The following SCN1B variants were observed in gnomAD, a reference collection of about 807,000 sequenced individuals.
SCN1B encodes sodium voltage-gated channel beta subunit 1.
SCN1B carries 11 observed loss-of-function variants against 25.7 expected under a neutral mutation model. The ratio of observed to expected loss-of-function variants is 0.43; its 90% CI spans 0.27 to 0.71. The LOEUF (loss-of-function observed/expected upper bound fraction) is 0.71, where lower values mean the gene tolerates loss of function less well. Among genes scored for constraint, SCN1B ranks in the 30% least tolerant of loss-of-function variants. The pLI is 0.21. For missense variants in SCN1B, 224 were observed against 291.5 expected (o/e 0.77, Z 1.69); for synonymous variants, 119 against 117.5 (o/e 1.01, Z -0.08).
chr19:35,039,631 A>G lies in SCN1B; in HGVS notation c.591-4A>G. 1.2e-6 allele frequency: 2 copies of G among 1,614,058 alleles called. No individual in the cohort carries two copies. Among genetic ancestry groups the G allele is most frequent in the Non-Finnish European group, 1.7e-6 (2 of 1,179,998 alleles). On this transcript the variant is annotated splice_region_variant and splice_polypyrimidine_tract_variant and intron_variant, in intron 4 of 5. Coordinates refer to ENST00000262631, the MANE Select transcript of SCN1B (RefSeq NM_001037.5). Reference sequence around the variant, plus strand: ...TCACTGTATACCTGGCCTTTCCCCCACAGCTCGGAATACCTGGCCATCACC... The same window carrying G: ...TCACTGTATACCTGGCCTTTCCCCCGCAGCTCGGAATACCTGGCCATCACC...
At position 35,033,504 on chromosome 19, in the gene SCN1B, G is replaced by T. The variant is rs960314739; in HGVS notation, c.213G>T (p.Leu71=). The stretch of plus-strand genomic sequence containing the variant: ...CCCTCCCTGGCTACCCCTAGATCCT[G>T]CGCTATGAGAATGAGGTGTTGCAGC... ...QKGTEEFVKI[L]RYENEVLQLE... Residue 71 remains leucine, a synonymous_variant, in exon 3 of 6, where the codon CTG becomes CTT. Coordinates refer to ENST00000262631, the MANE Select transcript of SCN1B (RefSeq NM_001037.5). The T allele has an allele frequency of 5.0e-6, 8 of 1,613,794 alleles. No individual in the cohort carries two copies. The highest frequency in any genetic ancestry group is 6.8e-6 in the Non-Finnish European group (8 of 1,179,966).
chr19:35,030,627 G>T lies in SCN1B; in HGVS notation c.-194G>T, dbSNP rs1255578700. 3 of 159,196 alleles carry T rather than the reference G, an allele frequency of 1.9e-5. No homozygotes were observed. The highest frequency in any genetic ancestry group is 4.0e-5 in the Non-Finnish European group (3 of 74,300). 9.9% of individuals were successfully genotyped at this position (159,196 alleles called of 1,614,324 possible). Reference sequence around the variant, plus strand: ...CGGGGATGCCCGGACGCCGGGCCCCGGGGCTGGGCCCCCGGCGGTAACCGG... The same window carrying T: ...CGGGGATGCCCGGACGCCGGGCCCCTGGGCTGGGCCCCCGGCGGTAACCGG... On this transcript the variant is annotated 5_prime_UTR_variant, in exon 1 of 6. Coordinates refer to ENST00000262631, the MANE Select transcript of SCN1B (RefSeq NM_001037.5).
At chr19:35,035,084 A>G (rs1387864630) in intron 3 of SCN1B, 1 of 152,212 alleles carries the variant, frequency 6.6e-6, no homozygotes, top group African/African-American at 2.4e-5. Context: ...TTGCTGTGAC[A>G]AAGATGCCTG....
chr19:35,039,914 G>A lies in SCN1B; in HGVS notation c.*123G>A, dbSNP rs1345599115. 9 of 604,024 alleles carry A rather than the reference G, an allele frequency of 1.5e-5. No homozygotes were observed. The highest frequency in any genetic ancestry group is 7.8e-5 in the South Asian group (4 of 51,118). The allele number at this position is 604,024 out of a possible 1,614,324, so 37.4% of individuals were successfully genotyped here. On this transcript the variant is annotated 3_prime_UTR_variant, in exon 6 of 6. Coordinates refer to ENST00000262631, the MANE Select transcript of SCN1B (RefSeq NM_001037.5). ...CAGAAAGCCTCAGAGTCCTGCCGACGGAGCCACTGGGGTGGGAGGGGGCAG... is the reference window on the plus strand; with the variant it reads ...CAGAAAGCCTCAGAGTCCTGCCGACAGAGCCACTGGGGTGGGAGGGGGCAG...
chr19:35,030,820 C>G lies in SCN1B; in HGVS notation c.-1C>G. 1 of 1,082,624 alleles carries G rather than the reference C, an allele frequency of 9.2e-7. No individual in the cohort carries two copies. Among genetic ancestry groups the G allele is most frequent in the South Asian group, 2.2e-5 (1 of 45,354 alleles). The allele number at this position is 1,082,624 out of a possible 1,614,324, so 67.1% of individuals were successfully genotyped here. On this transcript the variant is annotated 5_prime_UTR_variant, in exon 1 of 6. Transcript: ENST00000262631. Reference sequence around the variant, plus strand: ...GGGGGCGCAGCACGCGCCGCGCAGCCATGGGGAGGCTGCTGGCCTTAGTGG... The same window carrying G: ...GGGGGCGCAGCACGCGCCGCGCAGCGATGGGGAGGCTGCTGGCCTTAGTGG...
rs2064274538 is a variant in SCN1B at position 35,039,795 on chromosome 19, A to T, written c.*6-2A>T. ...AATTCCCCCTCTCTTGCTCCCCTTC[A>T]GGCCCTGGGCCCCGCCTCAAGGAAG... On this transcript the variant is annotated splice_acceptor_variant, in intron 5 of 5. Coordinates refer to ENST00000262631, the MANE Select transcript of SCN1B (RefSeq NM_001037.5). LOFTEE classifies it low-confidence loss of function (3UTR_SPLICE). 2 of 1,331,884 alleles carry T rather than the reference A, an allele frequency of 1.5e-6. No individual in the cohort carries two copies. Among genetic ancestry groups the T allele is most frequent in the Non-Finnish European group, 2.1e-6 (2 of 945,028 alleles). The allele number at this position is 1,331,884 out of a possible 1,614,324, so 82.5% of individuals were successfully genotyped here. A position where few individuals can be genotyped will look rare whatever the true frequency, so the allele number is the denominator to read the frequency against.
Position 35,039,711 on chromosome 19 carries a change from G to C in SCN1B, c.*5+5G>C, listed in dbSNP as rs1462189030. 1.2e-6 allele frequency: 2 copies of C among 1,614,074 alleles called. No homozygotes were observed. Among genetic ancestry groups the C allele is most frequent in the Middle Eastern group, 3.3e-4 (2 of 6,056 alleles). On this transcript the variant is annotated splice_donor_5th_base_variant and intron_variant, in intron 5 of 5. Transcript: ENST00000262631. ...CCAGGTGGCCGAATAGCCCTGGTAA[G>C]GCGGATGGGCTGGCAGAGGGGAAGG...
chr19:35,039,258 C>G lies in SCN1B; in HGVS notation c.590C>G (p.Ala197Gly). 1 of 1,612,736 alleles carries G rather than the reference C, an allele frequency of 6.2e-7. No individual in the cohort carries two copies. The highest frequency in any genetic ancestry group is 1.3e-5 in the African/African-American group (1 of 75,038). ...ACGGAGACTGCTGCACAGGAGAATGCGTGAGTAGGGTGGCTGGGAGGTGGG... is the reference window on the plus strand; with the variant it reads ...ACGGAGACTGCTGCACAGGAGAATGGGTGAGTAGGGTGGCTGGGAGGTGGG... The part of the protein sequence containing the change: ...AATETAAQEN[A>G]SEYLAITSES... Residue 197 changes from alanine (A) to glycine (G), a missense_variant and splice_region_variant, in exon 4 of 6, where the codon GCC becomes GGC. Physicochemically the swap from Ala to Gly is moderately conservative, Grantham distance 60. Around this residue, in one of 3 missense-constraint regions of SCN1B, gnomAD observed 52 missense variants for 50.8 expected, o/e 1.02. Coordinates refer to ENST00000262631, the MANE Select transcript of SCN1B (RefSeq NM_001037.5).
At chr19:35,030,912 G>T in intron 1 of SCN1B, 52 bp downstream of exon 1, 1 of 314,040 alleles carries the variant, frequency 3.2e-6, no homozygotes, top group Non-Finnish European at 5.1e-6. Context: ...GGGCACTGGC[G>T]GGGCGGCGGG....
chr19:35,032,730 G>A lies in SCN1B; in HGVS notation c.207+36G>A. ...GCCGGGAACGGGCATGGGAGGGCAG[G>A]GGTCCACGAGTGGGAGGCGGTGGGG... is the stretch of plus-strand genomic sequence containing the variant. On this transcript the variant is annotated intron_variant, in intron 2 of 5. Transcript: ENST00000262631. This position sits in a 1 kb window ranked among gnomAD's most constrained non-coding sequence, Gnocchi z 4.3. 1 of 1,609,540 alleles carries A rather than the reference G, an allele frequency of 6.2e-7. No individual in the cohort carries two copies. Among genetic ancestry groups the A allele is most frequent in the Non-Finnish European group, 8.5e-7 (1 of 1,178,106 alleles).
chr19:35,039,484 A>C (rs2064271077), intron 4 of SCN1B, 151 bp from the exon 5 acceptor site: 1 of 1,000,952 alleles, frequency 1.0e-6, no homozygotes, highest in Non-Finnish European at 1.5e-6. Flanking sequence ...CAGATTCCTC[A>C]AAGACCCTGA....
intron 3 of SCN1B, chr19:35,038,787 A>T: frequency 2.4e-6 from 1 of 417,310 alleles, no homozygotes; most frequent in Non-Finnish European, 4.5e-6. Flanking sequence ...ACAGAGGCCT[A>T]GAGACATTGA....
intron 3 of SCN1B, chr19:35,035,276 T>A (rs1198642512): frequency 6.6e-6 from 1 of 151,784 alleles, no homozygotes; most frequent in Non-Finnish European, 1.5e-5. Context: ...GCCTCTTTTT[T>A]TTTTTTTTTA....
rs2064206660 is a variant in SCN1B at position 35,030,620 on chromosome 19, G to C, written c.-201G>C. 1 of 156,886 alleles carries C rather than the reference G, an allele frequency of 6.4e-6. No homozygotes were observed. Among genetic ancestry groups the C allele is most frequent in the Non-Finnish European group, 1.4e-5 (1 of 72,726 alleles). 9.7% of individuals were successfully genotyped at this position (156,886 alleles called of 1,614,324 possible). On this transcript the variant is annotated 5_prime_UTR_variant, in exon 1 of 6. Coordinates refer to ENST00000262631, the MANE Select transcript of SCN1B (RefSeq NM_001037.5). The stretch of plus-strand genomic sequence containing the variant: ...CGCGCGGCGGGGATGCCCGGACGCC[G>C]GGCCCCGGGGCTGGGCCCCCGGCGG...
chr19:35,034,299 G>A (rs1461171655), intron 3 of SCN1B: 4 of 902,788 alleles, frequency 4.4e-6, no homozygotes, highest in Middle Eastern at 3.5e-4. Context: ...CTCCTGCCCC[G>A]GGGGAGCCGC....
rs762238998 is a variant in SCN1B, at chr19:35,033,466, CA to C, written c.208-32del. On this transcript the variant is annotated intron_variant, in intron 2 of 5. Transcript: ENST00000262631. ...TCAGGTAAGGGAAGAGAGGCCCAGG[CA>C]GTGACACCTTCCCCTCCCTGGCTAC... 20 of 1,612,538 alleles carry C rather than the reference CA, an allele frequency of 1.2e-5. No individual in the cohort carries two copies. The African/African-American group carries it at 1.5e-4, about 12-fold the overall frequency.
At chr19:35,037,495 C>G (rs941554963) in intron 3 of SCN1B, 1 of 152,154 alleles carries the variant, frequency 6.6e-6, no homozygotes, top group Admixed American at 6.5e-5. Context: ...TTATCCGGTG[C>G]GCATCCAGCT....
chr19:35,039,704 C>T lies in SCN1B; in HGVS notation c.*3C>T. ...CGGGCGTCCAGGTGGCCGAATAGCC[C>T]TGGTAAGGCGGATGGGCTGGCAGAG... On this transcript the variant is annotated splice_region_variant and 3_prime_UTR_variant, in exon 5 of 6. Coordinates refer to ENST00000262631, the MANE Select transcript of SCN1B (RefSeq NM_001037.5). 6.2e-7 allele frequency: 1 copy of T among 1,614,134 alleles called. No homozygotes were observed. The highest frequency in any genetic ancestry group is 8.5e-7 in the Non-Finnish European group (1 of 1,179,974).
rs1357223674 is a variant in SCN1B at position 35,040,091 on chromosome 19, G to A, written c.*300G>A. On this transcript the variant is annotated 3_prime_UTR_variant, in exon 6 of 6. Coordinates refer to ENST00000262631, the MANE Select transcript of SCN1B (RefSeq NM_001037.5). The stretch of plus-strand genomic sequence containing the variant: ...AGGGGGGCGGTGAGGTGGGGGCAGC[G>A]GCCCCGCACCCCTCCTCCTTGCTGA... 6 of 292,604 alleles carry A rather than the reference G, an allele frequency of 2.1e-5. No homozygotes were observed. In the Admixed American group the frequency reaches 2.7e-4, roughly 13 times the overall value. The allele number at this position is 292,604 out of a possible 1,614,324, so 18.1% of individuals were successfully genotyped here. A position where few individuals can be genotyped will look rare whatever the true frequency, so the allele number is the denominator to read the frequency against.
Sources: allele counts gnomAD v4.1 joint callset, GRCh38; gene constraint gnomAD v4.1.1; regional missense constraint gnomAD v4.1.1; non-coding constraint Gnocchi (gnomAD v3.1); transcripts MANE v1.5; gene names NCBI Gene and HGNC (gene_info 2026-07-23, HGNC 2026-07-21).